Variants in SIRT4 observed in about 807,000 individuals in gnomAD.
SIRT4 encodes the protein NAD-dependent protein lipoamidase sirtuin-4, mitochondrial.
Under a neutral mutation model 26.1 loss-of-function variants are expected in SIRT4, and 23 were observed. That is an observed-to-expected ratio of 0.88 (90% CI 0.63 to 1.25). The LOEUF is 1.25. Among genes scored for constraint, SIRT4 ranks in the 50% most tolerant of loss-of-function variants. The pLI is 0.00. For missense variants in SIRT4, 361 were observed against 405.4 expected (o/e 0.89, Z 0.94); for synonymous variants, 155 against 158.4 (o/e 0.98, Z 0.16).
At chr12:120,292,867 G>A in the SIRT4 span, among the ~76,000 whole-genome samples, 68 of 152,108 alleles carry the variant, frequency 4.5e-4, no homozygotes, top group Non-Finnish European at 7.2e-4. Flanking sequence ...AGTCAACACC[G>A]CCCTGCTTTT....
At chr12:120,298,402 G>A (rs777715445), upstream of SIRT4, among the ~76,000 whole-genome samples, 1 of 151,962 alleles carries the variant, frequency 6.6e-6, no homozygotes, top group East Asian at 1.9e-4. Context: ...AGACCAGCCT[G>A]GGCAACATGG....
the SIRT4 span, chr12:120,293,167 A>T: frequency 6.6e-6 from 1 of 152,202 alleles, no homozygotes; most frequent in Non-Finnish European, 1.5e-5. Flanking sequence ...GTATTGGGAA[A>T]AGTTTTCAAT....
rs1202259174 is a variant in SIRT4 at position 120,303,580 on chromosome 12, T to G, written c.19T>G (p.Leu7Val). 28 of 1,611,852 alleles carry G rather than the reference T, an allele frequency of 1.7e-5. No individual in the cohort carries two copies. Among genetic ancestry groups the G allele is most frequent in the Non-Finnish European group, 2.4e-5 (28 of 1,179,394 alleles). ...CTCTAGAATGAAGATGAGCTTTGCG[T>G]TGACTTTCAGGTCAGCAAAAGGCCG... Reference protein sequence around the residue: MKMSFALTFRSAKGRWI... With the variant: MKMSFAVTFRSAKGRWI... Residue 7 changes from leucine (L) to valine (V), a missense_variant, in exon 2 of 4, where the codon TTG becomes GTG. Coordinates refer to ENST00000202967, the MANE Select transcript of SIRT4 (RefSeq NM_012240.3).
intron 2 of SIRT4, among the ~76,000 whole-genome samples, chr12:120,305,402 C>G (rs1272084569): frequency 6.6e-6 from 1 of 151,932 alleles, no homozygotes; most frequent in Non-Finnish European, 1.5e-5. Context: ...AGGCAAACGC[C>G]ACCGTGCCCA....
upstream of SIRT4, among the ~76,000 whole-genome samples, chr12:120,301,242 G>A (rs1872533225): frequency 6.6e-6 from 1 of 152,192 alleles, no homozygotes; most frequent in Non-Finnish European, 1.5e-5. Context: ...CTACTCAGGA[G>A]GCTGAGGCAG....
At chr12:120,299,397 CA>C (rs1442470701), upstream of SIRT4, among the ~76,000 whole-genome samples, 1 of 140,344 alleles carries the variant, frequency 7.1e-6, no homozygotes, top group African/African-American at 2.7e-5. Flanking sequence ...ACTAAAAATA[CA>C]AAAATTAGCC....
In SIRT4 at chr12:120,303,964, G is replaced by A. The variant is rs201382659; in HGVS notation, c.403G>A (p.Gly135Arg). ...GGCTTTGAGCACCTGGGAGAAACTC[G>A]GAAAGCTGTACTGGTTGGTGACCCA... ...HWALSTWEKL[G>R]KLYWLVTQNV... The change falls in exon 2 of 4, where the codon GGA (glycine) becomes AGA (arginine). Residue 135 changes from glycine to arginine, a missense_variant. Coordinates refer to ENST00000202967, the MANE Select transcript of SIRT4 (RefSeq NM_012240.3). 71 of 1,614,010 alleles carry A rather than the reference G, an allele frequency of 4.4e-5. 3 individuals carry two copies. The South Asian group carries it at 5.9e-4, about 13-fold the overall frequency.
the SIRT4 span, chr12:120,293,232 A>C: frequency 6.6e-6 from 1 of 152,196 alleles, no homozygotes; most frequent in Non-Finnish European, 1.5e-5. Context: ...GCCACTGCGC[A>C]AAGCTAATTT....
intron 2 of SIRT4, among the ~76,000 whole-genome samples, chr12:120,304,484 T>G (rs1461670887): frequency 6.6e-6 from 1 of 151,870 alleles, no homozygotes; most frequent in Non-Finnish European, 1.5e-5. Flanking sequence ...ACCCCATTTC[T>G]ACTAAAAATA....
At position 120,303,645 on chromosome 12, in the gene SIRT4, C is replaced by T; in HGVS notation, c.84C>T (p.Ser28=). ...CCAGCCAGCCGTGCTCGAAAGCCTC[C>T]ATTGGGTTATTTGTGCCAGCAAGTC... The part of the protein sequence containing the change: ...ANPSQPCSKA[S]IGLFVPASPP... Residue 28 remains serine, a synonymous_variant, in exon 2 of 4, where the codon TCC becomes TCT. Transcript: ENST00000202967. The T allele has an allele frequency of 6.2e-7, 1 of 1,614,114 alleles. No individual in the cohort carries two copies.
chr12:120,304,045 G>A lies in SIRT4; in HGVS notation c.484G>A (p.Gly162Arg), dbSNP rs916643694. The change falls in exon 2 of 4, where the codon GGA (glycine) becomes AGA (arginine). Residue 162 changes from glycine to arginine, a missense_variant. Transcript: ENST00000202967. ...AGSRRLTELH[G>R]CMDRVLCLDC... is the part of the protein sequence containing the mutation. ...GAGTCGGCGCCTGACAGAGCTCCAC[G>A]GATGCATGGACAGGTGCAGGAGCTG... 8 of 1,607,742 alleles carry A rather than the reference G, an allele frequency of 5.0e-6. No homozygotes were observed. The highest frequency in any genetic ancestry group is 3.3e-5 in the South Asian group (3 of 91,080).
intron 2 of SIRT4, 27 bp downstream of exon 2, chr12:120,304,085 G>A (rs367800492): frequency 7.5e-6 from 12 of 1,595,530 alleles, no homozygotes; most frequent in African/African-American, 2.7e-5. Context: ...CGGTTTGAAC[G>A]CAAACCCGTG....
upstream of SIRT4, among the ~76,000 whole-genome samples, chr12:120,298,421 C>T (rs1872412833): frequency 6.6e-6 from 1 of 151,626 alleles, no homozygotes; most frequent in Non-Finnish European, 1.5e-5. Flanking sequence ...GGTGAAACCC[C>T]GTCTCTACAA....
Position 120,312,460 on chromosome 12 carries a change from C to G in SIRT4, c.502C>G (p.Leu168Val). The change falls in exon 3 of 4, where the codon CTG becomes GTG. Residue 168 changes from leucine to valine, a missense_variant. Transcript: ENST00000202967. ...TELHGCMDRV[L>V]CLDCGEQTPR... ...CAGCGTCTTCCTTGGTTCCAGGGTC[C>G]TGTGCTTGGATTGTGGGGAACAGAC... The G allele has an allele frequency of 6.2e-7, 1 of 1,610,476 alleles. No individual in the cohort carries two copies. The highest frequency in any genetic ancestry group is 8.5e-7 in the Non-Finnish European group (1 of 1,178,066).
At chr12:120,312,392 C>A in intron 2 of SIRT4, 64 bp from the exon 3 acceptor site, 1 of 1,475,114 alleles carries the variant, frequency 6.8e-7, no homozygotes, top group Non-Finnish European at 9.1e-7. Context: ...GGAGATGAAA[C>A]GTCTCTGACA....
chr12:120,308,883 T>G (rs1161301113), intron 2 of SIRT4, among the ~76,000 whole-genome samples: 1 of 152,076 alleles, frequency 6.6e-6, no homozygotes, highest in Non-Finnish European at 1.5e-5. Context: ...TAAAACAATT[T>G]TTTCCGCCGG....
At chr12:120,300,770 AG>A (rs1872513219), upstream of SIRT4, among the ~76,000 whole-genome samples, 1 of 152,154 alleles carries the variant, frequency 6.6e-6, no homozygotes, top group Non-Finnish European at 1.5e-5. Flanking sequence ...AAATGGGGGA[AG>A]GGAGTCCTTA....
the SIRT4 span, among the ~76,000 whole-genome samples, chr12:120,292,390 CAGG>C: frequency 2.0e-5 from 3 of 152,140 alleles, no homozygotes; most frequent in South Asian, 4.1e-4. Flanking sequence ...ATCACGAGGT[CAGG>C]AGTTCAAGAC....
At chr12:120,292,146 CAG>C in the SIRT4 span, among the ~76,000 whole-genome samples, 2 of 152,296 alleles carry the variant, frequency 1.3e-5, no homozygotes, top group East Asian at 1.9e-4. Flanking sequence ...CGTGACGTCA[CAG>C]AGATGACTCG....
Sources: allele counts gnomAD v4.1 joint callset (sites outside exome capture counted in the v4.1 genomes callset), GRCh38; gene constraint gnomAD v4.1.1; transcripts MANE v1.5; gene names NCBI Gene and HGNC (gene_info 2026-07-23, HGNC 2026-07-21).